The following RARB variants were observed in gnomAD, a reference collection of about 807,000 sequenced individuals.
The protein encoded by RARB is HBV-activated protein.
A neutral mutation model predicts 51.9 loss-of-function variants in RARB; 17 were observed. The observed-to-expected ratio is 0.33, with a 90% CI of 0.22 to 0.49. The LOEUF is 0.49. RARB is among the 20% of genes least tolerant of loss of function. The pLI is 0.99. For synonymous variants in RARB, 215 were observed against 195.4 expected (o/e 1.10, Z -0.84); for missense variants, 369 against 550.8 (o/e 0.67, Z 3.30).
chr3:25,190,340 G>C (rs1575207053), intron 5 of RARB, among the ~76,000 whole-genome samples: 1 of 151,974 alleles, frequency 6.6e-6, no homozygotes, highest in East Asian at 1.9e-4. Context: ...GGGAGAGTAT[G>C]GTTCATGTTT....
At chr3:25,016,967 C>A (rs1697522694) in intron 2 of RARB, among the ~76,000 whole-genome samples, 1 of 152,158 alleles carries the variant, frequency 6.6e-6, no homozygotes, top group African/African-American at 2.4e-5. Flanking sequence ...AACACATGTT[C>A]TTCCAACCTG....
chr3:25,078,540 T>G (rs1698922320), intron 3 of RARB, among the ~76,000 whole-genome samples: 1 of 151,254 alleles, frequency 6.6e-6, no homozygotes, highest in Non-Finnish European at 1.5e-5. Flanking sequence ...TTCTATTTTT[T>G]TTTTTTTTCT....
chr3:25,503,233 C>T (rs979562962), intron 3 of RARB, among the ~76,000 whole-genome samples: 3 of 152,210 alleles, frequency 2.0e-5, no homozygotes, highest in African/African-American at 7.2e-5. Context: ...AAGAGAAAAG[C>T]AGGATAACCT....
chr3:24,842,478 A>C (rs1171949972), intron 1 of RARB, among the ~76,000 whole-genome samples: 1 of 152,212 alleles, frequency 6.6e-6, no homozygotes, highest in Non-Finnish European at 1.5e-5. Flanking sequence ...TTATTAGCAC[A>C]AGACTCCCTT....
At chr3:25,006,619 CAAGT>C (rs1012750521) in intron 2 of RARB, among the ~76,000 whole-genome samples, 2 of 152,040 alleles carry the variant, frequency 1.3e-5, no homozygotes, top group Admixed American at 6.6e-5. Flanking sequence ...GTGAGGCAAA[CAAGT>C]AATCATAAAG....
intron 5 of RARB, among the ~76,000 whole-genome samples, chr3:25,404,060 A>T (rs542225305): frequency 6.6e-6 from 1 of 152,188 alleles, no homozygotes; most frequent in South Asian, 2.1e-4. Context: ...CTAATCTTGG[A>T]CAGTGAAAAT....
At chr3:25,350,914 G>A (rs561937857) in intron 5 of RARB, among the ~76,000 whole-genome samples, 4 of 152,280 alleles carry the variant, frequency 2.6e-5, no homozygotes, top group African/African-American at 9.6e-5. Flanking sequence ...TCATTGTTTG[G>A]AGGTGTCAAT....
intron 2 of RARB, among the ~76,000 whole-genome samples, chr3:25,032,864 C>A (rs1032838378): frequency 3.3e-5 from 5 of 152,136 alleles, no homozygotes; most frequent in Admixed American, 2.6e-4. Context: ...GTTGTGGTAG[C>A]AATGTTTATA....
At chr3:24,892,699 A>G (rs1210444133) in intron 2 of RARB, among the ~76,000 whole-genome samples, 2 of 152,232 alleles carry the variant, frequency 1.3e-5, no homozygotes, top group African/African-American at 4.8e-5. Flanking sequence ...TTAACTGAGA[A>G]TGTAATTCTT....
At chr3:25,498,778 G>A (rs1214394484) in intron 2 of RARB, among the ~76,000 whole-genome samples, 1 of 152,144 alleles carries the variant, frequency 6.6e-6, no homozygotes, top group Admixed American at 6.5e-5. Flanking sequence ...AAAAGACCAT[G>A]TTTTCCATTG....
intron 5 of RARB, among the ~76,000 whole-genome samples, chr3:25,361,430 C>T (rs545615415): frequency 2.6e-5 from 4 of 152,296 alleles, no homozygotes; most frequent in South Asian, 2.1e-4. Flanking sequence ...AGAACATGCT[C>T]CTGTAACTCG....
chr3:24,933,008 A>T (rs1013946772), intron 2 of RARB, among the ~76,000 whole-genome samples: 5 of 152,118 alleles, frequency 3.3e-5, no homozygotes, highest in Non-Finnish European at 7.4e-5. Flanking sequence ...TCTTTCAGAA[A>T]ATTTAAATAA....
intron 5 of RARB, among the ~76,000 whole-genome samples, chr3:25,375,311 A>G (rs982615698): frequency 6.6e-6 from 1 of 152,180 alleles, no homozygotes; most frequent in Non-Finnish European, 1.5e-5. Flanking sequence ...ATTACCTCAT[A>G]ATGATGATCT....
intron 3 of RARB, among the ~76,000 whole-genome samples, chr3:25,105,745 G>C (rs180703141): frequency 1.4e-4 from 22 of 152,112 alleles, no homozygotes; most frequent in African/African-American, 5.1e-4. Context: ...AGCCTGGCCA[G>C]TCTAAATCAC....
intron 3 of RARB, among the ~76,000 whole-genome samples, chr3:25,120,553 C>CTCTCTCTCGA (rs1553634820): frequency 1.3e-5 from 2 of 151,744 alleles, no homozygotes; most frequent in African/African-American, 4.8e-5. Flanking sequence ...CTCTCTCTCT[C>CTCTCTCTCGA]TCTCTCTCTC....
chr3:25,234,158 T>G (rs1386320658), intron 5 of RARB, among the ~76,000 whole-genome samples: 1 of 152,166 alleles, frequency 6.6e-6, no homozygotes, highest in Non-Finnish European at 1.5e-5. Flanking sequence ...TTAAATATTT[T>G]CTAGAATTTA....
chr3:24,880,399 A>G (rs1703136750), intron 2 of RARB, among the ~76,000 whole-genome samples: 1 of 152,176 alleles, frequency 6.6e-6, no homozygotes, highest in South Asian at 2.1e-4. Flanking sequence ...GGAGAGATAA[A>G]AGAAGATAAA....
At chr3:24,963,775 A>G (rs956299175) in intron 2 of RARB, among the ~76,000 whole-genome samples, 5 of 151,994 alleles carry the variant, frequency 3.3e-5, no homozygotes, top group Non-Finnish European at 5.9e-5. Flanking sequence ...TACCTAATAC[A>G]ATTAGGAACC....
At chr3:25,081,631 T>TTA (rs1699005744) in intron 3 of RARB, among the ~76,000 whole-genome samples, 1 of 51,066 alleles carries the variant, frequency 2.0e-5, no homozygotes, top group South Asian at 7.7e-4. Context: ...ATTTTTTTTT[T>TTA]TTTTTTTTTT....
Sources: allele counts gnomAD v4.1 joint callset (sites outside exome capture counted in the v4.1 genomes callset), GRCh38; gene constraint gnomAD v4.1.1; transcripts MANE v1.5; gene names NCBI Gene and HGNC (gene_info 2026-07-23, HGNC 2026-07-21).